STAB2: variants seen among roughly 807,000 people sequenced by gnomAD.
STAB2 encodes the protein stabilin-2.
STAB2 carries 288 observed loss-of-function variants against 338.1 expected under a neutral mutation model. The observed-to-expected ratio is 0.85, with a 90% CI of 0.77 to 0.94. The LOEUF (loss-of-function observed/expected upper bound fraction) is 0.94. Ranked by LOEUF, STAB2 falls within the 40% of genes least tolerant of loss-of-function variation. The pLI is 0.00. For synonymous variants in STAB2, 1,202 were observed against 1,193.3 expected, an observed-to-expected ratio of 1.01 and a Z score of -0.15; for missense variants, 3,141 against 3,210.1, an observed-to-expected ratio of 0.98 and a Z score of 0.52.
At chr12:103,634,463 CTT>C (rs1957512590) in intron 6 of STAB2, among the ~76,000 whole-genome samples, 1 of 152,188 alleles carries the variant, frequency 6.6e-6, no homozygotes, top group Non-Finnish European at 1.5e-5. Flanking sequence ...CTGTATCAAA[CTT>C]TAAAGTTTGA....
intron 44 of STAB2, among the ~76,000 whole-genome samples, chr12:103,718,154 T>A (rs942731717): frequency 6.6e-6 from 1 of 152,112 alleles, no homozygotes; most frequent in African/African-American, 2.4e-5. Flanking sequence ...GTCTCTCACC[T>A]CCTCTAGGAA....
At chr12:103,692,207 C>T (rs1463324600) in intron 30 of STAB2, among the ~76,000 whole-genome samples, 3 of 152,172 alleles carry the variant, frequency 2.0e-5, no homozygotes, top group South Asian at 2.1e-4. Flanking sequence ...TCTTCATGTT[C>T]ACATGGCAGT....
chr12:103,661,745 C>T (rs1874640010), intron 17 of STAB2, among the ~76,000 whole-genome samples: 1 of 152,064 alleles, frequency 6.6e-6, no homozygotes, highest in African/African-American at 2.4e-5. Flanking sequence ...ATCCGGGGGA[C>T]ATTCCAGAGG....
intron 9 of STAB2, among the ~76,000 whole-genome samples, chr12:103,647,021 C>A (rs1023450666): frequency 6.6e-6 from 1 of 152,134 alleles, no homozygotes; most frequent in Non-Finnish European, 1.5e-5. Flanking sequence ...AGTAGTTTAG[C>A]GCTGCTGGAA....
chr12:103,704,564 T>G lies in STAB2; in HGVS notation c.3850T>G (p.Cys1284Gly). 3 of 1,613,722 alleles carry G rather than the reference T, an allele frequency of 1.9e-6. No homozygotes were observed. Among genetic ancestry groups the G allele is most frequent in the East Asian group, 4.5e-5 (2 of 44,848 alleles). ...GCTTTTGTGTTTTACCAAGGGAAGATGTAGGACATGCTCCTCAGAGCTGAC... is the reference window on the plus strand; with the variant it reads ...GCTTTTGTGTTTTACCAAGGGAAGAGGTAGGACATGCTCCTCAGAGCTGAC... ...NNDTTIIRGR[C>G]RTCSSELTCP... The change falls in exon 36 of 69, where the codon TGT becomes GGT. Residue 1284 changes from cysteine (C) to glycine (G), a missense_variant. By Grantham distance (159) the Cys-to-Gly change is radical. Coordinates refer to ENST00000388887, the MANE Select transcript of STAB2 (RefSeq NM_017564.10).
chr12:103,639,876 C>A (rs1412665944), intron 8 of STAB2, among the ~76,000 whole-genome samples: 1 of 151,958 alleles, frequency 6.6e-6, no homozygotes, highest in Admixed American at 6.6e-5. Context: ...CTAGGGAGGT[C>A]AAGGGTTAGG....
chr12:103,680,570 A>G (rs185871004), intron 25 of STAB2, among the ~76,000 whole-genome samples: 20 of 152,356 alleles, frequency 1.3e-4, no homozygotes, highest in Non-Finnish European at 2.8e-4. Flanking sequence ...AAAAGCCAGG[A>G]TTCATTCTTT....
intron 33 of STAB2, among the ~76,000 whole-genome samples, chr12:103,697,291 A>G (rs946022428): frequency 6.6e-6 from 1 of 152,204 alleles, no homozygotes. Context: ...AGGCAGGGAG[A>G]GTGTCCTAAA....
Position 103,759,266 on chromosome 12 carries a change from TCCAAC to T in STAB2, c.7243_7247del (p.Gln2415AspfsTer7). The stretch of plus-strand genomic sequence containing the variant: ...CTCATCACTGCCAGCCAGGACCCAC[TCCAAC>T]CGGTACAAAGTCTTCTGGGCTTCTT... On this transcript the variant is annotated frameshift_variant and splice_region_variant, in exon 65 of 69. Coordinates refer to ENST00000388887, the MANE Select transcript of STAB2 (RefSeq NM_017564.10). LOFTEE classifies it high-confidence loss of function. 6.2e-7 allele frequency: 1 copy of T among 1,613,842 alleles called. No homozygotes were observed. Among genetic ancestry groups the T allele is most frequent in the Non-Finnish European group, 8.5e-7 (1 of 1,179,954 alleles).
At chr12:103,715,383 C>T (rs1406519247) in intron 42 of STAB2, among the ~76,000 whole-genome samples, 1 of 152,170 alleles carries the variant, frequency 6.6e-6, no homozygotes, top group Admixed American at 6.6e-5. Flanking sequence ...TATGTTGTTC[C>T]CCCTCAAAAT....
chr12:103,733,036 C>T lies in STAB2; in HGVS notation c.5314C>T (p.Pro1772Ser), dbSNP rs1475882776. Residue 1772 changes from proline to serine, a missense_variant, in exon 51 of 69, where the codon CCC becomes TCC. Physicochemically the swap from Pro to Ser is moderately conservative, Grantham distance 74 (BLOSUM62 -1). Transcript: ENST00000388887. ...AGGTTTGCTGAGTGTCATCACCGAT[C>T]CCATCCACACCCCAGTCACTCTCTT... ...DSGLLSVITD[P>S]IHTPVTLFWP... 1 of 1,614,024 alleles carries T rather than the reference C, an allele frequency of 6.2e-7. No homozygotes were observed. The highest frequency in any genetic ancestry group is 8.5e-7 in the Non-Finnish European group (1 of 1,179,952).
intron 23 of STAB2, among the ~76,000 whole-genome samples, chr12:103,674,361 A>T (rs558423754): frequency 6.6e-6 from 1 of 152,220 alleles, no homozygotes; most frequent in Non-Finnish European, 1.5e-5. Flanking sequence ...TCAACAGTAC[A>T]GTGAGGATGA....
At chr12:103,652,744 A>G (rs1159947563) in intron 12 of STAB2, 39 bp downstream of exon 12, 3 of 1,516,172 alleles carry the variant, frequency 2.0e-6, no homozygotes, top group Non-Finnish European at 2.6e-6. Flanking sequence ...GAACTAAATT[A>G]TCCACCAAGC....
intron 3 of STAB2, among the ~76,000 whole-genome samples, chr12:103,597,145 C>T (rs1253351291): frequency 6.6e-6 from 1 of 152,022 alleles, no homozygotes; most frequent in Non-Finnish European, 1.5e-5. Flanking sequence ...CTAGATGTCT[C>T]GAAAGGCTTC....
chr12:103,611,707 G>A lies in STAB2; in HGVS notation c.332-8761G>A, dbSNP rs1957125575. Among the ~76,000 whole-genome samples the A allele has an allele frequency of 1.3e-5, 2 of 152,146 alleles. 1 individual carries two copies. The highest frequency in any genetic ancestry group is 1.3e-4 in the Admixed American group (2 of 15,266). On this transcript the variant is annotated intron_variant, in intron 3 of 68. Transcript: ENST00000388887. ...TTACATTTAAGGTTAATATTGTTAT[G>A]TGTGAATTTGATCCTGTCATTATGA...
intron 57 of STAB2, chr12:103,746,266 G>GTC (rs1248611307): frequency 4.7e-6 from 1 of 213,704 alleles, no homozygotes; most frequent in African/African-American, 2.3e-5. Context: ...GGGAACCCCT[G>GTC]TCCTTAGAGC....
At chr12:103,622,268 T>A (rs1352946556) in intron 5 of STAB2, among the ~76,000 whole-genome samples, 157 bp downstream of exon 5, 1 of 152,248 alleles carries the variant, frequency 6.6e-6, no homozygotes, top group African/African-American at 2.4e-5. Flanking sequence ...AATGAACAAT[T>A]CATGAATCAG....
chr12:103,664,538 C>T, intron 18 of STAB2, among the ~76,000 whole-genome samples: 1 of 152,170 alleles, frequency 6.6e-6, no homozygotes, highest in Non-Finnish European at 1.5e-5. Context: ...CAAGTTTTAA[C>T]AATAATAGGT....
intron 18 of STAB2, among the ~76,000 whole-genome samples, chr12:103,665,787 G>A (rs746381558): frequency 6.5e-4 from 99 of 152,138 alleles, no homozygotes; most frequent in Non-Finnish European, 1.3e-3. Context: ...GAAATTGGAG[G>A]CACACTCCCA....
Sources: gnomAD v4.1 joint callset for allele counts (sites outside exome capture counted in the v4.1 genomes callset) on GRCh38, gnomAD v4.1.1 for gene constraint, MANE v1.5 for transcripts, NCBI Gene and HGNC (gene_info 2026-07-23, HGNC 2026-07-21) for gene names.